SGO2: variants seen among roughly 807,000 people sequenced by gnomAD.
SGO2 encodes the protein shugoshin 2.
A neutral mutation model predicts 99.5 loss-of-function variants in SGO2; 68 were observed. The observed-to-expected ratio is 0.68, with a 90% confidence interval of 0.56 to 0.84. The LOEUF is 0.84. Among genes scored for constraint, SGO2 ranks in the 40% least tolerant of loss-of-function variants. The probability of loss-of-function intolerance (pLI) is 0.00; values close to 1 mark genes in which losing one functional copy is unlikely to be tolerated. For synonymous variants in SGO2, 457 were observed against 487.1 expected (o/e 0.94, Z 0.81); for missense variants, 1,350 against 1,436.7 (o/e 0.94, Z 0.97).
chr2:200,540,814 A>G (rs1277024178), intron 4 of SGO2, among the ~76,000 whole-genome samples: 2 of 152,238 alleles, frequency 1.3e-5, no homozygotes, highest in East Asian at 3.8e-4. Flanking sequence ...AGCCAGGAGC[A>G]TGTCTTTTGT....
chr2:200,560,695 A>G (rs548013775), intron 5 of SGO2, among the ~76,000 whole-genome samples: 6 of 152,260 alleles, frequency 3.9e-5, no homozygotes, highest in African/African-American at 9.6e-5. Context: ...TTCTTGTGCT[A>G]TGTTCATAAG....
At chr2:200,565,046 A>G (rs2033132115) in intron 5 of SGO2, among the ~76,000 whole-genome samples, 1 of 152,212 alleles carries the variant, frequency 6.6e-6, no homozygotes. Flanking sequence ...TAACCGGAGC[A>G]TTTAGCCCAT....
rs764533443 is a variant in SGO2, at chr2:200,572,867, T to A, written c.2521T>A (p.Phe841Ile). Reference sequence around the variant, plus strand: ...TGTACATGACCTAGAAAAAGATAACTTCTTCTCTCTAACCCCAAAGGATAA... The same window carrying A: ...TGTACATGACCTAGAAAAAGATAACATCTTCTCTCTAACCCCAAAGGATAA... ...KGVHDLEKDN[F>I]FSLTPKDKET... The change falls in exon 7 of 9, where the codon TTC becomes ATC. Residue 841 changes from phenylalanine (F) to isoleucine (I), a missense_variant. Transcript: ENST00000357799. 1.3e-6 allele frequency: 2 copies of A among 1,595,290 alleles called. No homozygotes were observed. The highest frequency in any genetic ancestry group is 1.7e-6 in the Non-Finnish European group (2 of 1,174,354).
At chr2:200,567,490 C>T (rs536098902) in intron 5 of SGO2, among the ~76,000 whole-genome samples, 13 of 152,242 alleles carry the variant, frequency 8.5e-5, no homozygotes, top group Non-Finnish European at 1.9e-4. Context: ...ATGAAATTCA[C>T]CCTTTTAAAG....
chr2:200,531,277 A>T (rs1270076718), intron 1 of SGO2, among the ~76,000 whole-genome samples: 1 of 152,204 alleles, frequency 6.6e-6, no homozygotes, highest in Non-Finnish European at 1.5e-5. Context: ...GTTCTGAGAG[A>T]GAATAACAAT....
intron 8 of SGO2, among the ~76,000 whole-genome samples, chr2:200,581,875 T>G (rs931292502): frequency 2.0e-5 from 3 of 152,222 alleles, no homozygotes; most frequent in Admixed American, 6.5e-5. Flanking sequence ...GAATAGGTAC[T>G]TCTTTTGAAA....
rs1179486667 is a variant in SGO2 at position 200,571,901 on chromosome 2, T to C, written c.1555T>C (p.Phe519Leu). ...AGGTAAATTTCACCAGGAGAGTAAA[T>C]TTGATAAGGGTCAGAATTCCCTAAC... ...SSGKFHQESK[F>L]DKGQNSLTCN... The change falls in exon 7 of 9, where the codon TTT (phenylalanine) becomes CTT (leucine). Residue 519 changes from phenylalanine to leucine, a missense_variant. Coordinates refer to ENST00000357799, the MANE Select transcript of SGO2 (RefSeq NM_152524.6). The C allele has an allele frequency of 1.2e-6, 2 of 1,613,486 alleles. No homozygotes were observed. Among genetic ancestry groups the C allele is most frequent in the Non-Finnish European group, 1.7e-6 (2 of 1,179,616 alleles).
At position 200,569,848 on chromosome 2, in the gene SGO2, A is replaced by G; in HGVS notation, c.659A>G (p.Asp220Gly). 4 of 1,602,204 alleles carry G rather than the reference A, an allele frequency of 2.5e-6. No homozygotes were observed. Among genetic ancestry groups the G allele is most frequent in the Non-Finnish European group, 3.4e-6 (4 of 1,169,398 alleles). The change falls in exon 6 of 9, where the codon GAT becomes GGT. Residue 220 changes from aspartate to glycine, a missense_variant. Asp to Gly is a moderately conservative substitution (Grantham distance 94). Coordinates refer to ENST00000357799, the MANE Select transcript of SGO2 (RefSeq NM_152524.6). Reference protein sequence around the residue: ...KENNQNVYGLDDSEHISSIVD... With the variant: ...KENNQNVYGLGDSEHISSIVD... ...AATAATCAAAATGTATATGGTTTAG[A>G]TGATTCAGAACATATTTCTTCTATA...
chr2:200,557,964 A>G (rs1270063501), intron 5 of SGO2, among the ~76,000 whole-genome samples: 1 of 151,350 alleles, frequency 6.6e-6, no homozygotes, highest in Non-Finnish European at 1.5e-5. Flanking sequence ...CCTGGGTTCA[A>G]GCGATTCTCC....
Position 200,570,576 on chromosome 2 carries a change from A to G in SGO2, c.704-474A>G, listed in dbSNP as rs1280631945. Reference sequence around the variant, plus strand: ...ATACACACATATATATGGTATACATATAATGTATACAGTATACATATATAC... The same window carrying G: ...ATACACACATATATATGGTATACATGTAATGTATACAGTATACATATATAC... On this transcript the variant is annotated intron_variant, in intron 6 of 8. Transcript: ENST00000357799. The surrounding 1 kb of genome is among the most constrained non-coding windows in gnomAD (Gnocchi z 4.4). 6.6e-6 allele frequency among the ~76,000 whole-genome samples: 1 copy of G among 151,248 alleles called. No homozygotes were observed. Among genetic ancestry groups the G allele is most frequent in the East Asian group, 1.9e-4 (1 of 5,176 alleles).
At chr2:200,528,334 T>A (rs2031204545) in intron 1 of SGO2, among the ~76,000 whole-genome samples, 2 of 152,098 alleles carry the variant, frequency 1.3e-5, no homozygotes, top group Non-Finnish European at 2.9e-5. Flanking sequence ...TAGCAAATAA[T>A]GTACATGGGA....
chr2:200,574,026 T>C, intron 7 of SGO2, 49 bp downstream of exon 7: 1 of 1,452,490 alleles, frequency 6.9e-7, no homozygotes, highest in South Asian at 1.6e-5. Flanking sequence ...AGTGTTTTGT[T>C]TTTTGTTTTC....
Position 200,572,470 on chromosome 2 carries a change from TAATAAG to T in SGO2, c.2127_2132del (p.Asn709_Lys710del), listed in dbSNP as rs2033468355. 4.3e-6 allele frequency: 7 copies of T among 1,612,950 alleles called. No homozygotes were observed. The highest frequency in any genetic ancestry group is 1.6e-4 in the Middle Eastern group (1 of 6,082). Reference sequence around the variant, plus strand: ...CCGTTCAGCAAAATGAATCAAAAGTTAATAAGAAGCTTAGGCAGAAAGTAAATCGGA... The same window carrying T: ...CCGTTCAGCAAAATGAATCAAAAGTTAAGCTTAGGCAGAAAGTAAATCGGA... On this transcript the variant is annotated inframe_deletion, in exon 7 of 9. Coordinates refer to ENST00000357799, the MANE Select transcript of SGO2 (RefSeq NM_152524.6).
At chr2:200,560,956 GA>G (rs1208321411) in intron 5 of SGO2, among the ~76,000 whole-genome samples, 2 of 152,092 alleles carry the variant, frequency 1.3e-5, no homozygotes, top group Non-Finnish European at 2.9e-5. Context: ...AGTCAATATA[GA>G]AAACGTTTGT....
intron 1 of SGO2, among the ~76,000 whole-genome samples, chr2:200,528,814 C>G (rs926383254): frequency 6.6e-6 from 1 of 152,128 alleles, no homozygotes; most frequent in African/African-American, 2.4e-5. Context: ...GAATAACCAG[C>G]AAGAGGGACT....
At chr2:200,564,990 A>C (rs2033129133) in intron 5 of SGO2, among the ~76,000 whole-genome samples, 1 of 152,124 alleles carries the variant, frequency 6.6e-6, no homozygotes, top group Admixed American at 6.5e-5. Flanking sequence ...AATACAGCAC[A>C]CTGATGGGTC....
At chr2:200,580,638 C>A (rs2033812965) in intron 8 of SGO2, 1 of 272,548 alleles carries the variant, frequency 3.7e-6, no homozygotes, top group Non-Finnish European at 7.2e-6. Context: ...CGGAGACCAG[C>A]CTGGGCAACA....
chr2:200,536,928 A>G (rs1208014529), intron 4 of SGO2, among the ~76,000 whole-genome samples: 1 of 152,078 alleles, frequency 6.6e-6, no homozygotes, highest in African/African-American at 2.4e-5. Flanking sequence ...TACCTCATGC[A>G]GGTGATTGCT....
chr2:200,558,547 T>A (rs897602509), intron 5 of SGO2, among the ~76,000 whole-genome samples: 1 of 152,110 alleles, frequency 6.6e-6, no homozygotes, highest in Non-Finnish European at 1.5e-5. Context: ...AAATTGTAAT[T>A]GCTAATTTTA....
Sources: allele counts gnomAD v4.1 joint callset (sites outside exome capture counted in the v4.1 genomes callset), GRCh38; gene constraint gnomAD v4.1.1; non-coding constraint Gnocchi (gnomAD v3.1); transcripts MANE v1.5; gene names NCBI Gene and HGNC (gene_info 2026-07-23, HGNC 2026-07-21).